CUX1: variants seen among roughly 807,000 people sequenced by gnomAD.
The protein encoded by CUX1 is protein CASP.
Under a neutral mutation model 158.8 loss-of-function variants are expected in CUX1, and 31 were observed. The ratio of observed to expected loss-of-function variants is 0.20; its 90% CI spans 0.15 to 0.26. The LOEUF is 0.26. Among genes scored for constraint, CUX1 ranks in the 10% least tolerant of loss-of-function variants. The pLI is 1.00. For synonymous variants in CUX1, 879 were observed against 862.1 expected, an observed-to-expected ratio of 1.02 and a Z score of -0.34; for missense variants, 1,589 against 2,014.6, an observed-to-expected ratio of 0.79 and a Z score of 4.04.
At chr7:102,237,369 G>A (rs56078398) in intron 22 of CUX1, among the ~76,000 whole-genome samples, 30,204 of 151,680 alleles carry the variant, frequency 0.2, 3,693 homozygotes, top group Non-Finnish European at 0.28. Context: ...ACGCAGCCTC[G>A]GTGTTCTGGG....
chr7:102,012,276 C>T lies in CUX1; in HGVS notation c.142-15822C>T, dbSNP rs941860903. ...GATCTCGGCTCACTGCAACCTCCGCCTCCCGGGTTGAAGCAATTCTCATGT... is the reference window on the plus strand; with the variant it reads ...GATCTCGGCTCACTGCAACCTCCGCTTCCCGGGTTGAAGCAATTCTCATGT... On this transcript the variant is annotated intron_variant, in intron 2 of 23. Transcript: ENST00000292535. Among the ~76,000 whole-genome samples the T allele has an allele frequency of 2.6e-5, 4 of 152,074 alleles. No homozygotes were observed. The East Asian group carries it at 7.8e-4, about 29-fold the overall frequency.
chr7:102,064,038 C>T (rs1234115530), intron 3 of CUX1, among the ~76,000 whole-genome samples: 1 of 152,170 alleles, frequency 6.6e-6, no homozygotes, highest in East Asian at 1.9e-4. Flanking sequence ...GGAAATTGCT[C>T]ATGTGTTCTG....
chr7:102,135,836 G>A (rs1833845470), intron 8 of CUX1, among the ~76,000 whole-genome samples: 1 of 151,966 alleles, frequency 6.6e-6, no homozygotes. Context: ...TTGTCCTGGT[G>A]TGGTGGCGCG....
intron 2 of CUX1, among the ~76,000 whole-genome samples, chr7:101,978,657 G>A (rs974702466): frequency 4.6e-5 from 7 of 152,138 alleles, no homozygotes; most frequent in African/African-American, 1.7e-4. Flanking sequence ...GTGACCCCAC[G>A]TCGCCCTCAC....
intron 9 of CUX1, among the ~76,000 whole-genome samples, chr7:102,159,732 G>T (rs1163302527): frequency 6.6e-6 from 1 of 151,946 alleles, no homozygotes; most frequent in African/African-American, 2.4e-5. Context: ...GTGGTGGCAG[G>T]CGCCTATAAT....
intron 2 of CUX1, among the ~76,000 whole-genome samples, chr7:101,967,118 A>G (rs1163072174): frequency 6.6e-6 from 1 of 151,928 alleles, no homozygotes; most frequent in African/African-American, 2.4e-5. Flanking sequence ...GGTTTGAATG[A>G]TTCTCTTGCC....
rs1241842353 is a variant in CUX1 at position 101,984,117 on chromosome 7, TATATATATATATAC to T, written c.142-43979_142-43966del. ...ATATATATATATATATATATATATATATATATATATATACACACACACATATATATATGTGTGTG... is the reference window on the plus strand; with the variant it reads ...ATATATATATATATATATATATATATACACACACATATATATATGTGTGTG... On this transcript the variant is annotated intron_variant, in intron 2 of 23. Transcript: ENST00000292535. Among the ~76,000 whole-genome samples, 60 of 47,140 alleles carry T rather than the reference TATATATATATATAC, an allele frequency of 1.3e-3. 5 individuals are homozygous for T. In the South Asian group the frequency reaches 0.027, roughly 21 times the overall value. The allele number at this position is 47,140 out of a possible 152,430, so 30.9% of individuals were successfully genotyped here.
chr7:102,179,561 T>A (rs1244165846), intron 11 of CUX1, among the ~76,000 whole-genome samples: 1 of 152,220 alleles, frequency 6.6e-6, no homozygotes, highest in Non-Finnish European at 1.5e-5. Context: ...CTAGGCTCCC[T>A]CCCACTAGGC....
intron 14 of CUX1, among the ~76,000 whole-genome samples, chr7:102,270,813 G>C (rs1294628673): frequency 6.6e-6 from 1 of 152,206 alleles, no homozygotes; most frequent in African/African-American, 2.4e-5. Flanking sequence ...GGGCAGCCTA[G>C]GATAGAGGGT....
intron 7 of CUX1, among the ~76,000 whole-genome samples, chr7:102,113,034 T>C (rs974002163): frequency 2.6e-5 from 4 of 151,856 alleles, no homozygotes; most frequent in Non-Finnish European, 5.9e-5. Context: ...AATTAAAAAA[T>C]GTAAAGGCTG....
At chr7:102,018,292 G>A (rs1818911649) in intron 2 of CUX1, among the ~76,000 whole-genome samples, 2 of 152,192 alleles carry the variant, frequency 1.3e-5, no homozygotes, top group South Asian at 2.1e-4. Context: ...TATTCAGAAA[G>A]GGACCTGGAA....
Position 102,254,343 on chromosome 7 carries a change from T to A in CUX1, c.*5301T>A. ...GGGAACACTGTAGCTCTTGGGTGTC[T>A]CTTGTCTCTGGCATGGTTTTAGCGT... On this transcript the variant is annotated 3_prime_UTR_variant, in exon 24 of 24. Transcript: ENST00000292535. 1.0e-6 allele frequency: 1 copy of A among 985,472 alleles called. No homozygotes were observed. The highest frequency in any genetic ancestry group is 1.2e-6 in the Non-Finnish European group (1 of 829,976). The allele number at this position is 985,472 out of a possible 1,614,324, so 61.0% of individuals were successfully genotyped here.
At chr7:101,846,766 G>T (rs1795743330) in intron 1 of CUX1, among the ~76,000 whole-genome samples, 1 of 152,140 alleles carries the variant, frequency 6.6e-6, no homozygotes, top group Admixed American at 6.5e-5. Context: ...AAGACCAGTT[G>T]CTAGCTTGAT....
Position 101,897,618 on chromosome 7 carries a change from G to A in CUX1, c.31-18497G>A, listed in dbSNP as rs542774844. On this transcript the variant is annotated intron_variant, in intron 1 of 23. Transcript: ENST00000292535. ...GACTTTCATAATTATTTCTGCTGAT[G>A]TAAGTATCACAGCGCAGGTCATGGG... Among the ~76,000 whole-genome samples the A allele has an allele frequency of 4.6e-5, 7 of 152,308 alleles. No individual in the cohort carries two copies. In the South Asian group the frequency reaches 1.2e-3, roughly 27 times the overall value.
rs1199058149 is a variant in CUX1 at position 102,251,646 on chromosome 7, AGAGT to A, written c.*2609_*2612del. On this transcript the variant is annotated 3_prime_UTR_variant, in exon 24 of 24. Transcript: ENST00000292535. ...CTAGCTCGATTCAGGTGCATTGAGAAGAGTGAGTTCACATCGGTGACCCTTAGGA... is the reference window on the plus strand; with the variant it reads ...CTAGCTCGATTCAGGTGCATTGAGAAGAGTTCACATCGGTGACCCTTAGGA... 1 of 985,272 alleles carries A rather than the reference AGAGT, an allele frequency of 1.0e-6. No individual in the cohort carries two copies. Among genetic ancestry groups the A allele is most frequent in the East Asian group, 1.1e-4 (1 of 8,832 alleles). The allele number at this position is 985,272 out of a possible 1,614,324, so 61.0% of individuals were successfully genotyped here.
intron 3 of CUX1, among the ~76,000 whole-genome samples, chr7:102,036,295 C>T (rs1029724150): frequency 6.6e-6 from 1 of 151,914 alleles, no homozygotes; most frequent in Non-Finnish European, 1.5e-5. Context: ...AAGCTGATTC[C>T]AGAATTTTTA....
At chr7:102,012,147 T>C (rs542149604) in intron 2 of CUX1, among the ~76,000 whole-genome samples, 1 of 152,318 alleles carries the variant, frequency 6.6e-6, no homozygotes, top group South Asian at 2.1e-4. Context: ...ATATTGTTGA[T>C]TTCACAGGAT....
Position 102,248,382 on chromosome 7 carries a change from C to A in CUX1, c.3888-30C>A, listed in dbSNP as rs782679689. On this transcript the variant is annotated intron_variant, in intron 23 of 23. Coordinates refer to ENST00000292535, the MANE Select transcript of CUX1 (RefSeq NM_181552.4). The surrounding 1 kb of genome is among the most constrained non-coding windows in gnomAD (Gnocchi z 5.8). ...AGGCCCTTTCCCCAGCAGCACCCCC[C>A]TCACGTCCCCGCCGCTTGTTGTCTT... 4.0e-5 allele frequency: 63 copies of A among 1,557,324 alleles called. No homozygotes were observed. Among genetic ancestry groups the A allele is most frequent in the Non-Finnish European group, 5.3e-5 (61 of 1,157,890 alleles).
At chr7:102,085,057 C>T (rs1449259861) in intron 4 of CUX1, among the ~76,000 whole-genome samples, 2 of 151,588 alleles carry the variant, frequency 1.3e-5, no homozygotes, top group Non-Finnish European at 2.9e-5. Flanking sequence ...TCCTAGCTTG[C>T]GGAGAATTTT....
Sources: gnomAD v4.1 joint callset for allele counts (sites outside exome capture counted in the v4.1 genomes callset) on GRCh38, gnomAD v4.1.1 for gene constraint, Gnocchi (gnomAD v3.1) non-coding constraint, MANE v1.5 for transcripts, NCBI Gene and HGNC (gene_info 2026-07-23, HGNC 2026-07-21) for gene names.